GNG7: variants seen among roughly 807,000 people sequenced by gnomAD.
GNG7 encodes the protein G protein subunit gamma 7.
In GNG7, 1 loss-of-function variant was observed where a neutral mutation model predicts 4.0. That is an observed-to-expected ratio of 0.25 (90% CI 0.09 to 1.18). The LOEUF is 1.18. Ranked by LOEUF, GNG7 falls within the 50% of genes most tolerant of loss-of-function variation. The pLI is 0.50. For missense variants in GNG7, 86 were observed against 91.9 expected, an observed-to-expected ratio of 0.94 and a Z score of 0.26; for synonymous variants, 34 against 36.9, an observed-to-expected ratio of 0.92 and a Z score of 0.29.
intron 2 of GNG7, chr19:2,632,585 T>A (rs960556991): frequency 3.9e-5 from 6 of 151,990 alleles, no homozygotes; most frequent in African/African-American, 1.5e-4. Context: ...GGGAAGTCTC[T>A]CACCGTCAGC....
intron 2 of GNG7, among the ~76,000 whole-genome samples, chr19:2,573,253 C>G (rs1980205615): frequency 6.6e-6 from 1 of 151,526 alleles, no homozygotes; most frequent in Non-Finnish European, 1.5e-5. Context: ...GAACTCCCAA[C>G]CTCAGGTGAT....
intron 3 of GNG7, among the ~76,000 whole-genome samples, chr19:2,548,513 G>C (rs1344368168): frequency 1.3e-5 from 2 of 148,732 alleles, no homozygotes; most frequent in Non-Finnish European, 3.0e-5. Context: ...ACCTAGCCAG[G>C]CCCAGTGGCT....
rs1042711528 is a variant in GNG7, at chr19:2,614,422, C to A, written c.-78+31802G>T. Among the ~76,000 whole-genome samples, 2 of 152,178 alleles carry A rather than the reference C, an allele frequency of 1.3e-5. No individual in the cohort carries two copies. Among genetic ancestry groups the A allele is most frequent in the African/African-American group, 4.8e-5 (2 of 41,424 alleles). On this transcript the variant is annotated intron_variant, in intron 2 of 4. Coordinates refer to ENST00000382159, the MANE Select transcript of GNG7 (RefSeq NM_052847.3). The surrounding 1 kb of genome is among the most constrained non-coding windows in gnomAD (Gnocchi z 6.0). ...ACATTCTCAGCCCCCCAAAAAGACA[C>A]CCCATCCCTATCAGCTGTCACTTCC... is the stretch of plus-strand genomic sequence containing the variant.
chr19:2,613,075 A>T (rs1426274597), intron 2 of GNG7, among the ~76,000 whole-genome samples: 1 of 152,166 alleles, frequency 6.6e-6, no homozygotes, highest in African/African-American at 2.4e-5. Flanking sequence ...ATGGCCCTGC[A>T]GCCAGGTAGA....
intron 2 of GNG7, among the ~76,000 whole-genome samples, chr19:2,579,325 C>T (rs1483920432): frequency 4.6e-5 from 7 of 152,376 alleles, no homozygotes. Context: ...TCTCTGTGTC[C>T]TGCAGCTCAG....
intron 3 of GNG7, among the ~76,000 whole-genome samples, chr19:2,536,145 C>T (rs531216732): frequency 1.6e-4 from 25 of 151,932 alleles, no homozygotes; most frequent in East Asian, 1.2e-3. Flanking sequence ...AGGCCGGGCG[C>T]GGTGGCTCCC....
intron 2 of GNG7, among the ~76,000 whole-genome samples, 161 bp from the exon 3 acceptor site, chr19:2,555,349 G>A (rs1473996238): frequency 4.6e-5 from 7 of 152,150 alleles, no homozygotes; most frequent in Non-Finnish European, 7.3e-5. Flanking sequence ...GAGAAAACGG[G>A]GGCAGAATCC....
At chr19:2,698,839 G>A (rs1250468604) in intron 1 of GNG7, among the ~76,000 whole-genome samples, 3 of 152,026 alleles carry the variant, frequency 2.0e-5, no homozygotes, top group Non-Finnish European at 2.9e-5. Context: ...TACACGTGAG[G>A]GTAATTTGTG....
At chr19:2,680,544 T>C (rs59770131) in intron 1 of GNG7, among the ~76,000 whole-genome samples, 39,560 of 150,956 alleles carry the variant, frequency 0.26, 5,589 homozygotes, top group East Asian at 0.56. Flanking sequence ...GGTTTTTTAG[T>C]AAAATACACT....
intron 2 of GNG7, among the ~76,000 whole-genome samples, chr19:2,630,313 G>A (rs8111983): frequency 3.3e-5 from 5 of 152,096 alleles, no homozygotes; most frequent in East Asian, 1.9e-4. Flanking sequence ...TGTGGGCAGG[G>A]CCCGTGGACA....
chr19:2,658,195 G>A (rs1983045474), intron 1 of GNG7, among the ~76,000 whole-genome samples: 1 of 151,946 alleles, frequency 6.6e-6, no homozygotes, highest in Admixed American at 6.6e-5. Context: ...GACCCTATAG[G>A]GCTGGACCCT....
chr19:2,569,279 CTT>C (rs1214309694), intron 2 of GNG7, among the ~76,000 whole-genome samples: 5 of 151,264 alleles, frequency 3.3e-5, no homozygotes, highest in African/African-American at 7.3e-5. Flanking sequence ...CTCTCTCTCT[CTT>C]TCTTTTTTTT....
chr19:2,614,734 T>C lies in GNG7; in HGVS notation c.-78+31490A>G, dbSNP rs569191611. Among the ~76,000 whole-genome samples the C allele has an allele frequency of 1.0e-3, 154 of 152,350 alleles. No individual in the cohort carries two copies. The highest frequency in any genetic ancestry group is 1.6e-3 in the Non-Finnish European group (112 of 68,034). ...TCCACCTTTTAGCCATTGTGAATCG[T>C]ACTGTATGAACATTTGTGGCAAGGT... On this transcript the variant is annotated intron_variant, in intron 2 of 4. Coordinates refer to ENST00000382159, the MANE Select transcript of GNG7 (RefSeq NM_052847.3). The surrounding 1 kb of genome is among the most constrained non-coding windows in gnomAD (Gnocchi z 6.0).
intron 3 of GNG7, among the ~76,000 whole-genome samples, chr19:2,544,891 G>A (rs1979075014): frequency 6.6e-6 from 1 of 151,946 alleles, no homozygotes; most frequent in South Asian, 2.1e-4. Context: ...CCACAGTGCT[G>A]AGGGAGAAGA....
At chr19:2,573,711 T>TGGGCGC (rs1980221995) in intron 2 of GNG7, among the ~76,000 whole-genome samples, 1 of 151,906 alleles carries the variant, frequency 6.6e-6, no homozygotes. Flanking sequence ...GGCGTGGTCG[T>TGGGCGC]GGGCGCCTGT....
intron 2 of GNG7, chr19:2,632,441 A>C (rs1328720688): frequency 3.3e-5 from 5 of 151,784 alleles, no homozygotes; most frequent in Admixed American, 6.6e-5. Flanking sequence ...AAAAAAAAAA[A>C]AACAAAAAAA....
At position 2,557,369 on chromosome 19, in the gene GNG7, G is replaced by A. The variant is rs1422378770; in HGVS notation, c.-77-2181C>T. On this transcript the variant is annotated intron_variant, in intron 2 of 4. Transcript: ENST00000382159. This position sits in a 1 kb window ranked among gnomAD's most constrained non-coding sequence, Gnocchi z 5.1. ...TGCACACACACAGACACACACACAC[G>A]TGCACGCACACATGCACGCAGGAGC... Among the ~76,000 whole-genome samples the A allele has an allele frequency of 2.0e-5, 3 of 151,326 alleles. No homozygotes were observed. Among genetic ancestry groups the A allele is most frequent in the African/African-American group, 7.3e-5 (3 of 41,076 alleles).
intron 2 of GNG7, among the ~76,000 whole-genome samples, chr19:2,570,123 C>T (rs1014047065): frequency 7.2e-5 from 11 of 152,136 alleles, no homozygotes; most frequent in South Asian, 4.2e-4. Flanking sequence ...AGTTCACGGA[C>T]GACCTGGTTG....
intron 3 of GNG7, among the ~76,000 whole-genome samples, chr19:2,539,721 C>G (rs1343346487): frequency 6.6e-6 from 1 of 152,168 alleles, no homozygotes; most frequent in African/African-American, 2.4e-5. Context: ...GTCCCTCCCC[C>G]AGCTGCCCTG....
Sources: gnomAD v4.1 joint callset for allele counts (sites outside exome capture counted in the v4.1 genomes callset) on GRCh38, gnomAD v4.1.1 for gene constraint, Gnocchi (gnomAD v3.1) non-coding constraint, MANE v1.5 for transcripts, NCBI Gene and HGNC (gene_info 2026-07-23, HGNC 2026-07-21) for gene names.